ELAVL2: variants seen among roughly 807,000 people sequenced by gnomAD.
ELAVL2 encodes the protein ELAV like RNA binding protein 2.
A neutral mutation model predicts 34.6 loss-of-function variants in ELAVL2; 4 were observed. The observed-to-expected ratio is 0.12, with a 90% CI of 0.06 to 0.26. The LOEUF (loss-of-function observed/expected upper bound fraction) is 0.26. ELAVL2 is among the 10% of genes least tolerant of loss of function. The pLI is 1.00. For synonymous variants in ELAVL2, 193 were observed against 154.8 expected (o/e 1.25, Z -1.83); for missense variants, 432 against 442.8 (o/e 0.98, Z 0.22).
At chr9:23,801,334 TAC>T (rs1050242785) in intron 1 of ELAVL2, among the ~76,000 whole-genome samples, 2 of 152,208 alleles carry the variant, frequency 1.3e-5, no homozygotes, top group African/African-American at 2.4e-5. Flanking sequence ...TTTTTAAAGC[TAC>T]AAGGGATTTC....
chr9:23,719,736 A>C (rs557359395), intron 3 of ELAVL2, among the ~76,000 whole-genome samples: 1 of 152,282 alleles, frequency 6.6e-6, no homozygotes, highest in African/African-American at 2.4e-5. Context: ...GAAAGCTCAA[A>C]TATCAAGACA....
chr9:23,746,659 G>A (rs1243376312), intron 2 of ELAVL2, among the ~76,000 whole-genome samples: 1 of 151,870 alleles, frequency 6.6e-6, no homozygotes, highest in Non-Finnish European at 1.5e-5. Context: ...AAAGAGAGAG[G>A]ACCCACCCAA....
chr9:23,789,511 A>C (rs531666397), intron 1 of ELAVL2, among the ~76,000 whole-genome samples: 1 of 152,344 alleles, frequency 6.6e-6, no homozygotes, highest in South Asian at 2.1e-4. Flanking sequence ...ATTATTTCTC[A>C]AAAGAATCCA....
At chr9:23,818,001 G>A (rs1027136238) in intron 1 of ELAVL2, among the ~76,000 whole-genome samples, 2 of 152,096 alleles carry the variant, frequency 1.3e-5, no homozygotes, top group East Asian at 1.9e-4. Context: ...ACTATAAACC[G>A]TCTAGTATCT....
chr9:23,709,732 G>C (rs990826896), intron 3 of ELAVL2, among the ~76,000 whole-genome samples: 1 of 152,134 alleles, frequency 6.6e-6, no homozygotes, highest in Non-Finnish European at 1.5e-5. Context: ...TATGAGTTTG[G>C]ATTTTAAATT....
chr9:23,726,152 A>G (rs2045098094), intron 3 of ELAVL2, among the ~76,000 whole-genome samples: 2 of 152,148 alleles, frequency 1.3e-5, no homozygotes, highest in Non-Finnish European at 2.9e-5. Context: ...AAATTTAACA[A>G]AAAGTTAATG....
Position 23,796,371 on chromosome 9 carries a change from G to A in ELAVL2, c.-16+29435C>T, listed in dbSNP as rs150336858. On this transcript the variant is annotated intron_variant, in intron 1 of 6. Coordinates refer to ENST00000397312, the MANE Select transcript of ELAVL2 (RefSeq NM_004432.5). Reference sequence around the variant, plus strand: ...CACAATTACTGTCCATTTGAAGAGCGATTTGACCCATACTCTGTCCTTTGA... The same window carrying A: ...CACAATTACTGTCCATTTGAAGAGCAATTTGACCCATACTCTGTCCTTTGA... 1.6e-4 allele frequency among the ~76,000 whole-genome samples: 24 copies of A among 152,308 alleles called. No individual in the cohort carries two copies. The East Asian group carries it at 3.9e-3, about 24-fold the overall frequency.
intron 5 of ELAVL2, 96 bp downstream of exon 5, chr9:23,701,283 G>C: frequency 2.2e-6 from 3 of 1,364,140 alleles, no homozygotes; most frequent in Non-Finnish European, 3.1e-6. Context: ...ACTGACAAAA[G>C]CAAACCAGAG....
chr9:23,809,128 C>T (rs559647679), intron 1 of ELAVL2, among the ~76,000 whole-genome samples: 23 of 152,266 alleles, frequency 1.5e-4, no homozygotes, highest in African/African-American at 3.4e-4. Flanking sequence ...CTAACCAGTA[C>T]GGAGCAGCCT....
At chr9:23,698,983 A>C (rs2036224946) in intron 5 of ELAVL2, among the ~76,000 whole-genome samples, 1 of 152,220 alleles carries the variant, frequency 6.6e-6, no homozygotes. Context: ...CTGAAGAGAG[A>C]ATAACAATTT....
chr9:23,736,645 C>G (rs1008098516), intron 2 of ELAVL2, among the ~76,000 whole-genome samples: 5 of 152,166 alleles, frequency 3.3e-5, no homozygotes, highest in Non-Finnish European at 5.9e-5. Flanking sequence ...CACGTTCTGC[C>G]AGTCCTACCA....
chr9:23,740,168 T>C (rs1477243059), intron 2 of ELAVL2, among the ~76,000 whole-genome samples: 2 of 152,092 alleles, frequency 1.3e-5, no homozygotes, highest in African/African-American at 4.8e-5. Context: ...CGGGGAAAAA[T>C]GCCCATTCCC....
the ELAVL2 span, among the ~76,000 whole-genome samples, chr9:23,842,547 T>G: frequency 6.6e-6 from 1 of 152,114 alleles, no homozygotes; most frequent in African/African-American, 2.4e-5. Flanking sequence ...CTTTTAGAAT[T>G]TATCAATATA....
rs555028811 is a variant in ELAVL2 at position 23,815,521 on chromosome 9, A to G, written c.-16+10285T>C. On this transcript the variant is annotated intron_variant, in intron 1 of 6. Coordinates refer to ENST00000397312, the MANE Select transcript of ELAVL2 (RefSeq NM_004432.5). ...TCATAACACATTGAAAGCCAAAAAT[A>G]TAAAACTAATCAAGCAGTAACCACC... 7.2e-5 allele frequency among the ~76,000 whole-genome samples: 11 copies of G among 152,352 alleles called. No homozygotes were observed. The East Asian group carries it at 1.5e-3, about 21-fold the overall frequency.
intron 1 of ELAVL2, among the ~76,000 whole-genome samples, chr9:23,765,703 T>C (rs1042045597): frequency 1.3e-5 from 2 of 152,188 alleles, no homozygotes; most frequent in Admixed American, 6.6e-5. Context: ...CAATGAGAAT[T>C]GCTCACATAT....
intron 1 of ELAVL2, among the ~76,000 whole-genome samples, chr9:23,778,646 G>C (rs1451885188): frequency 6.6e-6 from 1 of 152,110 alleles, no homozygotes; most frequent in Non-Finnish European, 1.5e-5. Flanking sequence ...AAGAGTATAT[G>C]CTTTTCTACC....
chr9:23,847,442 A>G, the ELAVL2 span: 1 of 151,990 alleles, frequency 6.6e-6, no homozygotes, highest in Non-Finnish European at 1.5e-5. Flanking sequence ...ATGACTTTCT[A>G]TGAGAGTATT....
At chr9:23,808,125 C>A (rs1366985875) in intron 1 of ELAVL2, among the ~76,000 whole-genome samples, 1 of 152,010 alleles carries the variant, frequency 6.6e-6, no homozygotes, top group Non-Finnish European at 1.5e-5. Context: ...ATCCTTATGC[C>A]TATAAAATTA....
chr9:23,743,093 T>C (rs1015273911), intron 2 of ELAVL2, among the ~76,000 whole-genome samples: 13 of 152,282 alleles, frequency 8.5e-5, no homozygotes, highest in Admixed American at 7.2e-4. Context: ...GAGCTGTACA[T>C]GGTTAAAGTT....
Sources: gnomAD v4.1 joint callset for allele counts (sites outside exome capture counted in the v4.1 genomes callset) on GRCh38, gnomAD v4.1.1 for gene constraint, MANE v1.5 for transcripts, NCBI Gene and HGNC (gene_info 2026-07-23, HGNC 2026-07-21) for gene names.